Variants in HDGFL3 observed in about 807,000 individuals in gnomAD.
HDGFL3 encodes the protein HDGF like 3.
Under a neutral mutation model 27.6 loss-of-function variants are expected in HDGFL3, and 6 were observed. That is an observed-to-expected ratio of 0.22 (90% CI 0.12 to 0.43). The LOEUF (loss-of-function observed/expected upper bound fraction) is 0.43, where lower values mean the gene tolerates loss of function less well. HDGFL3 is among the 20% of genes least tolerant of loss of function. The pLI is 1.00. For synonymous variants in HDGFL3, 88 were observed against 88.9 expected (o/e 0.99, Z 0.05); for missense variants, 207 against 250.1 (o/e 0.83, Z 1.16).
chr15:83,158,860 T>C (rs990533759), intron 2 of HDGFL3, among the ~76,000 whole-genome samples: 3 of 152,186 alleles, frequency 2.0e-5, no homozygotes, highest in Non-Finnish European at 4.4e-5. Context: ...TCTTTTTTTT[T>C]CAGATAGAGT....
At chr15:83,199,787 A>T (rs2037616466) in intron 1 of HDGFL3, among the ~76,000 whole-genome samples, 1 of 152,062 alleles carries the variant, frequency 6.6e-6, no homozygotes, top group South Asian at 2.1e-4. Context: ...TCACACCTGT[A>T]ATCCCAGCAC....
intron 1 of HDGFL3, among the ~76,000 whole-genome samples, chr15:83,200,962 G>GA (rs1050481672): frequency 1.4e-5 from 2 of 147,602 alleles, no homozygotes; most frequent in East Asian, 4.0e-4. Flanking sequence ...AAAGAAGACA[G>GA]AAAAAAATAA....
intron 3 of HDGFL3, among the ~76,000 whole-genome samples, chr15:83,117,506 G>A (rs148979817): frequency 6.6e-6 from 1 of 152,206 alleles, no homozygotes. Flanking sequence ...TGGACCATGG[G>A]GGGCAGGCCA....
chr15:83,136,396 G>A lies in HDGFL3; in HGVS notation c.*2874C>T. On this transcript the variant is annotated 3_prime_UTR_variant, in exon 6 of 6. Transcript: ENST00000299633. ...CTGGTTTTGAGGGCACAGAAACGTA[G>A]CCTGAATGAACCATTCAGAACTCAT... The A allele has an allele frequency of 1.7e-6, 2 of 1,190,934 alleles. No individual in the cohort carries two copies. Among genetic ancestry groups the A allele is most frequent in the Non-Finnish European group, 2.3e-6 (2 of 869,242 alleles). 73.8% of individuals were successfully genotyped at this position (1,190,934 alleles called of 1,614,324 possible).
chr15:83,140,481 G>A (rs59896565), intron 5 of HDGFL3, among the ~76,000 whole-genome samples: 1 of 135,756 alleles, frequency 7.4e-6, no homozygotes, highest in East Asian at 2.2e-4. Context: ...ACCAAAGAAA[G>A]TTTTTTTTTT....
In HDGFL3 at chr15:83,135,389, A is replaced by G. The variant is rs2036541161; in HGVS notation, c.*3881T>C. On this transcript the variant is annotated 3_prime_UTR_variant, in exon 6 of 6. Transcript: ENST00000299633. ...CTAGTTCTTCATTCTTGTTACTTCT[A>G]TGCCTTCTCTATAGTGCAGTCTTTT... 6.6e-6 allele frequency: 1 copy of G among 152,254 alleles called. No homozygotes were observed. The highest frequency in any genetic ancestry group is 2.4e-5 in the African/African-American group (1 of 41,460). The allele number at this position is 152,254 out of a possible 1,614,324, so 9.4% of individuals were successfully genotyped here.
At chr15:83,152,945 T>C (rs1028881175) in intron 4 of HDGFL3, among the ~76,000 whole-genome samples, 1 of 151,476 alleles carries the variant, frequency 6.6e-6, no homozygotes, top group Non-Finnish European at 1.5e-5. Context: ...ATGTAGCAAC[T>C]GCTTTATATA....
At chr15:83,179,414 T>A (rs1003326926) in intron 1 of HDGFL3, among the ~76,000 whole-genome samples, 1 of 152,232 alleles carries the variant, frequency 6.6e-6, no homozygotes, top group African/African-American at 2.4e-5. Flanking sequence ...GACGATAATC[T>A]AATTAGGAAA....
chr15:83,206,832 A>G (rs1208715601), intron 1 of HDGFL3, among the ~76,000 whole-genome samples: 1 of 152,232 alleles, frequency 6.6e-6, no homozygotes, highest in African/African-American at 2.4e-5. Context: ...GAGATGGATG[A>G]ATGACTGCCA....
intron 2 of HDGFL3, among the ~76,000 whole-genome samples, chr15:83,163,518 C>T (rs1261847497): frequency 6.6e-6 from 1 of 152,104 alleles, no homozygotes; most frequent in African/African-American, 2.4e-5. Flanking sequence ...TTTTAGGTTC[C>T]TTTATTACAT....
chr15:83,124,831 A>G, downstream of HDGFL3: 1 of 1,394,234 alleles, frequency 7.2e-7, no homozygotes, highest in Non-Finnish European at 1.0e-6. Flanking sequence ...ACATTTCCAA[A>G]TGGAAAAAAA....
chr15:83,196,132 G>C (rs1007061282), intron 1 of HDGFL3, among the ~76,000 whole-genome samples: 2 of 151,658 alleles, frequency 1.3e-5, no homozygotes, highest in Non-Finnish European at 2.9e-5. Flanking sequence ...TTTGGAGAGA[G>C]TAGTTGACAA....
At chr15:83,167,767 T>C (rs573195450) in intron 1 of HDGFL3, among the ~76,000 whole-genome samples, 38 of 152,286 alleles carry the variant, frequency 2.5e-4, no homozygotes, top group South Asian at 4.1e-4. Flanking sequence ...CAGCATTAGA[T>C]AGATCATCAA....
chr15:83,115,895 G>C (rs2034617780), intron 3 of HDGFL3: 10 of 1,614,146 alleles, frequency 6.2e-6, no homozygotes, highest in Non-Finnish European at 8.5e-6. Flanking sequence ...CATAGGACTG[G>C]AGCAAGATGG....
intron 3 of HDGFL3, chr15:83,121,925 A>G (rs1198142114): frequency 1.3e-6 from 2 of 1,598,506 alleles, no homozygotes; most frequent in Non-Finnish European, 1.7e-6. Context: ...TTACAGGGAA[A>G]CTTATAGAAC....
chr15:83,160,805 G>A (rs974980690), intron 2 of HDGFL3, among the ~76,000 whole-genome samples: 6 of 152,052 alleles, frequency 3.9e-5, no homozygotes, highest in Admixed American at 6.6e-5. Flanking sequence ...TTGATCCCTC[G>A]CATTGTGCAG....
intron 1 of HDGFL3, among the ~76,000 whole-genome samples, chr15:83,169,709 G>C (rs191652463): frequency 6.6e-6 from 1 of 151,894 alleles, no homozygotes; most frequent in African/African-American, 2.4e-5. Flanking sequence ...GCTGAGACAC[G>C]AGAATCACTT....
intron 1 of HDGFL3, among the ~76,000 whole-genome samples, chr15:83,174,451 T>C (rs555716180): frequency 6.7e-6 from 1 of 149,764 alleles, no homozygotes; most frequent in Non-Finnish European, 1.5e-5. Flanking sequence ...TTACCTACTA[T>C]AAAACTTCTG....
chr15:83,160,547 T>TG (rs140522807), intron 2 of HDGFL3, among the ~76,000 whole-genome samples: 3,406 of 135,186 alleles, frequency 0.025, 119 homozygotes, highest in African/African-American at 0.084. Context: ...GGAAATATTT[T>TG]GGGGGGGGAA....
Sources: gnomAD v4.1 joint callset for allele counts (sites outside exome capture counted in the v4.1 genomes callset) on GRCh38, gnomAD v4.1.1 for gene constraint, MANE v1.5 for transcripts, NCBI Gene and HGNC (gene_info 2026-07-23, HGNC 2026-07-21) for gene names.